Variants in FAM3B observed in about 807,000 individuals in gnomAD.
The protein encoded by FAM3B is FAM3 metabolism regulating signaling molecule B.
A neutral mutation model predicts 28.4 loss-of-function variants in FAM3B; 29 were observed. That is an observed-to-expected ratio of 1.02 (90% CI 0.76 to 1.39). The LOEUF (loss-of-function observed/expected upper bound fraction) is 1.39, where lower values mean the gene tolerates loss of function less well. Among genes scored for constraint, FAM3B ranks in the 40% most tolerant of loss-of-function variants. FAM3B has a pLI of 0.00. For missense variants in FAM3B, 266 were observed against 293.9 expected (o/e 0.91, Z 0.69); for synonymous variants, 91 against 103.0 (o/e 0.88, Z 0.71).
rs2089176298 is a variant in FAM3B at position 41,357,339 on chromosome 21, T to C, written c.*142T>C. 1 of 451,284 alleles carries C rather than the reference T, an allele frequency of 2.2e-6. No individual in the cohort carries two copies. Among genetic ancestry groups the C allele is most frequent in the Non-Finnish European group, 4.0e-6 (1 of 249,108 alleles). The allele number at this position is 451,284 out of a possible 1,614,324, so 28.0% of individuals were successfully genotyped here. A position where few individuals can be genotyped will look rare whatever the true frequency, so the allele number is the denominator to read the frequency against. The stretch of plus-strand genomic sequence containing the variant: ...TAAACCAATGAACATTTGCTAGTTG[T>C]ATCAAATCTTGGTACGCAGTATTTT... On this transcript the variant is annotated 3_prime_UTR_variant, in exon 8 of 8. Transcript: ENST00000357985.
At chr21:41,314,472 A>G, upstream of FAM3B, among the ~76,000 whole-genome samples, 1 of 152,252 alleles carries the variant, frequency 6.6e-6, no homozygotes, top group East Asian at 1.9e-4. Context: ...TAATGTCAAC[A>G]TCAAATGACA....
chr21:41,314,678 A>G (rs1294135217), upstream of FAM3B, among the ~76,000 whole-genome samples: 1 of 152,194 alleles, frequency 6.6e-6, no homozygotes, highest in East Asian at 1.9e-4. Flanking sequence ...GCGTGAAAAG[A>G]TACTCAACAC....
intron 4 of FAM3B, among the ~76,000 whole-genome samples, chr21:41,344,901 C>A (rs906150487): frequency 1.1e-4 from 17 of 152,170 alleles, no homozygotes; most frequent in Non-Finnish European, 2.1e-4. Flanking sequence ...ACACCATAGA[C>A]CATCTCATCC....
upstream of FAM3B, among the ~76,000 whole-genome samples, chr21:41,312,442 A>C (rs1007339009): frequency 1.3e-5 from 2 of 152,164 alleles, no homozygotes; most frequent in Non-Finnish European, 2.9e-5. Flanking sequence ...CTTTGTATTA[A>C]GTTTTGACCT....
chr21:41,325,752 G>C (rs2088849632), intron 2 of FAM3B, among the ~76,000 whole-genome samples: 1 of 152,146 alleles, frequency 6.6e-6, no homozygotes, highest in East Asian at 1.9e-4. Context: ...ACCCTTCCAA[G>C]TCCCAGTCTA....
chr21:41,307,896 G>A (rs1046822623), intron 1 of FAM3B, among the ~76,000 whole-genome samples: 5 of 152,148 alleles, frequency 3.3e-5, no homozygotes, highest in African/African-American at 4.8e-5. Context: ...ACCAAAATGC[G>A]CCACAGAGAC....
In FAM3B at chr21:41,344,064, G is replaced by A. The variant is rs141489530; in HGVS notation, c.288-412G>A. 4.9e-4 allele frequency among the ~76,000 whole-genome samples: 75 copies of A among 152,328 alleles called. No homozygotes were observed. In the East Asian group the frequency reaches 0.014, roughly 28 times the overall value. ...GAGCCCGAGAGGCAGAGGTTGCAGT[G>A]AGCCACGATTGCACAACTGCACTCC... On this transcript the variant is annotated intron_variant, in intron 3 of 7. Coordinates refer to ENST00000357985, the MANE Select transcript of FAM3B (RefSeq NM_058186.4).
chr21:41,345,685 G>C lies in FAM3B; in HGVS notation c.347-1G>C. 6.5e-7 allele frequency: 1 copy of C among 1,537,192 alleles called. No homozygotes were observed. Among genetic ancestry groups the C allele is most frequent in the Admixed American group, 2.3e-5 (1 of 43,446 alleles). On this transcript the variant is annotated splice_acceptor_variant, in intron 4 of 7. Coordinates refer to ENST00000357985, the MANE Select transcript of FAM3B (RefSeq NM_058186.4). LOFTEE classifies it high-confidence loss of function. Reference sequence around the variant, plus strand: ...TAAAATACCATTTCTTTTATTTTCAGATGTAACTGGGAATGTGACAGCAAC... The same window carrying C: ...TAAAATACCATTTCTTTTATTTTCACATGTAACTGGGAATGTGACAGCAAC...
At chr21:41,341,468 A>G (rs1328263581) in intron 3 of FAM3B, among the ~76,000 whole-genome samples, 1 of 152,136 alleles carries the variant, frequency 6.6e-6, no homozygotes, top group Non-Finnish European at 1.5e-5. Flanking sequence ...CCCAATGGTA[A>G]CCTGGATTTT....
chr21:41,341,291 C>G (rs191014847), intron 3 of FAM3B, among the ~76,000 whole-genome samples: 15 of 152,296 alleles, frequency 9.8e-5, no homozygotes, highest in Non-Finnish European at 1.8e-4. Flanking sequence ...TTTGGTATTA[C>G]CAGTAATGCT....
At position 41,328,896 on chromosome 21, in the gene FAM3B, C is replaced by G. The variant is rs186033098; in HGVS notation, c.163+5830C>G. Among the ~76,000 whole-genome samples, 23 of 152,328 alleles carry G rather than the reference C, an allele frequency of 1.5e-4. No individual in the cohort carries two copies. In the South Asian group the frequency reaches 3.3e-3, roughly 22 times the overall value. On this transcript the variant is annotated intron_variant, in intron 2 of 7. Transcript: ENST00000357985. ...GTGGTCACCAAAAAAACCCAGACCA[C>G]GTCCAGCTCGGCCCTGGCAGCTTGC... is the stretch of plus-strand genomic sequence containing the variant.
Position 41,345,743 on chromosome 21 carries a change from AAATTTTTTCTGTTAAAATTCAAATG to A in FAM3B, c.397+14_397+38del. ...TTTGATATGTATGAAGGTGGTAAGAAAATTTTTTCTGTTAAAATTCAAATGAATTTTAAACAGAAAATTAAGATTA... is the reference window on the plus strand; with the variant it reads ...TTTGATATGTATGAAGGTGGTAAGAAAATTTTAAACAGAAAATTAAGATTA... On this transcript the variant is annotated splice_region_variant and intron_variant, in intron 5 of 7. Coordinates refer to ENST00000357985, the MANE Select transcript of FAM3B (RefSeq NM_058186.4). 6.6e-7 allele frequency: 1 copy of A among 1,522,050 alleles called. No individual in the cohort carries two copies. Among genetic ancestry groups the A allele is most frequent in the Non-Finnish European group, 9.1e-7 (1 of 1,104,750 alleles). 94.3% of individuals were successfully genotyped at this position (1,522,050 alleles called of 1,614,324 possible). A position where few individuals can be genotyped will look rare whatever the true frequency, so the allele number is the denominator to read the frequency against.
At chr21:41,335,950 T>G (rs928321889) in intron 2 of FAM3B, among the ~76,000 whole-genome samples, 1 of 152,206 alleles carries the variant, frequency 6.6e-6, no homozygotes, top group Non-Finnish European at 1.5e-5. Flanking sequence ...CTCTACCCAG[T>G]GTTGATGTCC....
chr21:41,339,221 T>G (rs1990179610), intron 3 of FAM3B, among the ~76,000 whole-genome samples: 1 of 152,236 alleles, frequency 6.6e-6, no homozygotes, highest in African/African-American at 2.4e-5. Context: ...AACTGCAAAT[T>G]TAATTGATGT....
chr21:41,324,701 T>C (rs1055695104), intron 2 of FAM3B, among the ~76,000 whole-genome samples: 3 of 152,238 alleles, frequency 2.0e-5, no homozygotes, highest in African/African-American at 7.2e-5. Context: ...AGGTTCATCC[T>C]TTACTTCTAA....
chr21:41,318,289 C>T (rs1277132316), intron 1 of FAM3B, among the ~76,000 whole-genome samples: 3 of 152,208 alleles, frequency 2.0e-5, no homozygotes, highest in African/African-American at 7.2e-5. Context: ...GGGCCTTGCC[C>T]TGGACGCTTC....
chr21:41,325,236 A>T (rs1348869158), intron 2 of FAM3B, among the ~76,000 whole-genome samples: 2 of 152,248 alleles, frequency 1.3e-5, no homozygotes, highest in African/African-American at 4.8e-5. Context: ...ACTCAGAGGC[A>T]CCTAATAAAT....
At chr21:41,316,946 AC>A in intron 1 of FAM3B, 48 bp downstream of exon 1, 2 of 1,285,106 alleles carry the variant, frequency 1.6e-6, no homozygotes, top group Non-Finnish European at 9.9e-7. Context: ...GGGAAGGAGG[AC>A]CCCAGGGGAA....
chr21:41,317,717 A>T (rs1348147304), intron 1 of FAM3B, among the ~76,000 whole-genome samples: 2 of 152,084 alleles, frequency 1.3e-5, no homozygotes, highest in African/African-American at 2.4e-5. Context: ...CTGGTCCTGG[A>T]TCCCAGGTCC....
Sources: allele counts gnomAD v4.1 joint callset (sites outside exome capture counted in the v4.1 genomes callset), GRCh38; gene constraint gnomAD v4.1.1; transcripts MANE v1.5; gene names NCBI Gene and HGNC (gene_info 2026-07-23, HGNC 2026-07-21).